The following SH3RF2 variants were observed in gnomAD, a reference collection of about 807,000 sequenced individuals.
The protein encoded by SH3RF2 is E3 ubiquitin-protein ligase SH3RF2.
Under a neutral mutation model 59.0 loss-of-function variants are expected in SH3RF2, and 43 were observed. The observed-to-expected ratio is 0.73, with a 90% CI of 0.57 to 0.94. The LOEUF (loss-of-function observed/expected upper bound fraction) is 0.94, where lower values mean the gene tolerates loss of function less well. Ranked by LOEUF, SH3RF2 falls within the 40% of genes least tolerant of loss-of-function variation. The pLI is 0.00. For missense variants in SH3RF2, 930 were observed against 940.1 expected (o/e 0.99, Z 0.14); for synonymous variants, 391 against 391.5 (o/e 1.00, Z 0.01).
intron 5 of SH3RF2, among the ~76,000 whole-genome samples, chr5:146,027,946 C>T (rs1456380014): frequency 6.6e-6 from 1 of 152,170 alleles, no homozygotes. Context: ...ATTAACATTG[C>T]TTACTTCCTT....
At chr5:146,023,825 C>T (rs1761423984) in intron 5 of SH3RF2, among the ~76,000 whole-genome samples, 1 of 152,144 alleles carries the variant, frequency 6.6e-6, no homozygotes, top group East Asian at 1.9e-4. Flanking sequence ...TTTGCCTATT[C>T]TGGATGTTTT....
chr5:145,998,044 C>A, intron 2 of SH3RF2: 1 of 606,086 alleles, frequency 1.6e-6, no homozygotes, highest in Non-Finnish European at 3.0e-6. Context: ...ACATAGAAAA[C>A]TACAAGATGT....
At chr5:146,071,473 G>C (rs1763239704) in intron 9 of SH3RF2, among the ~76,000 whole-genome samples, 1 of 152,186 alleles carries the variant, frequency 6.6e-6, no homozygotes, top group South Asian at 2.1e-4. Flanking sequence ...TAAATATTCT[G>C]TTCTGCACAT....
intron 7 of SH3RF2, among the ~76,000 whole-genome samples, chr5:146,053,822 C>A (rs1762580035): frequency 6.6e-6 from 1 of 152,192 alleles, no homozygotes; most frequent in Non-Finnish European, 1.5e-5. Context: ...CACTCATTTG[C>A]CTTTAACTCT....
chr5:146,047,587 C>T (rs1180145453), intron 5 of SH3RF2, among the ~76,000 whole-genome samples, 185 bp from the exon 6 acceptor site: 1 of 152,066 alleles, frequency 6.6e-6, no homozygotes, highest in Non-Finnish European at 1.5e-5. Flanking sequence ...AGGCCATAAA[C>T]CAGCTCCTCC....
At chr5:146,081,514 G>A (rs537893315) in exon 10 of SH3RF2, 1 of 152,170 alleles carries the variant, frequency 6.6e-6, no homozygotes, top group Non-Finnish European at 1.5e-5. Context: ...TTTACCGCGA[G>A]ACTGATCAGA....
At chr5:146,013,008 CACTG>C (rs369114236) in intron 4 of SH3RF2, among the ~76,000 whole-genome samples, 6 of 152,062 alleles carry the variant, frequency 3.9e-5, no homozygotes, top group South Asian at 2.1e-4. Context: ...ACCAATACAT[CACTG>C]ACTAAGAGAT....
intron 4 of SH3RF2, among the ~76,000 whole-genome samples, chr5:146,008,416 G>T (rs1760735530): frequency 6.6e-6 from 1 of 152,122 alleles, no homozygotes; most frequent in Non-Finnish European, 1.5e-5. Context: ...AGCCAAGAAT[G>T]GCTATATAAA....
chr5:145,938,567 G>T (rs530193157), intron 2 of SH3RF2, among the ~76,000 whole-genome samples: 1 of 152,158 alleles, frequency 6.6e-6, no homozygotes, highest in Non-Finnish European at 1.5e-5. Context: ...GTAGAACAAG[G>T]AAAGCCTTTT....
chr5:145,963,981 C>T (rs1389221930), intron 2 of SH3RF2, among the ~76,000 whole-genome samples: 9 of 151,792 alleles, frequency 5.9e-5, no homozygotes, highest in South Asian at 2.1e-4. Context: ...TACAGGCGCC[C>T]GCCACCGCGC....
intron 2 of SH3RF2, chr5:145,997,309 T>A: frequency 9.4e-7 from 1 of 1,063,080 alleles, no homozygotes; most frequent in Non-Finnish European, 1.5e-6. Flanking sequence ...AAGCAGCTAG[T>A]GAAACCAGAG....
intron 5 of SH3RF2, among the ~76,000 whole-genome samples, chr5:146,032,299 C>T (rs1335222886): frequency 6.6e-6 from 1 of 152,200 alleles, no homozygotes; most frequent in Admixed American, 6.5e-5. Flanking sequence ...ATGGTACCCT[C>T]TCCCAGTGGT....
chr5:146,023,357 C>T (rs573068953), intron 5 of SH3RF2, among the ~76,000 whole-genome samples: 36 of 152,226 alleles, frequency 2.4e-4, no homozygotes, highest in African/African-American at 7.9e-4. Flanking sequence ...TAAAGGCATG[C>T]ACCACCACAC....
intron 8 of SH3RF2, 120 bp downstream of exon 8, chr5:146,056,333 G>A: frequency 6.8e-7 from 1 of 1,461,538 alleles, no homozygotes; most frequent in African/African-American, 1.4e-5. Flanking sequence ...CCCCTGCAAA[G>A]GGTATTATAC....
chr5:146,063,893 T>C (rs140755266), downstream of SH3RF2, among the ~76,000 whole-genome samples: 2 of 152,148 alleles, frequency 1.3e-5, no homozygotes, highest in East Asian at 3.9e-4. Context: ...AAGCACAACA[T>C]GCTAAAAAAC....
At chr5:146,079,356 C>T (rs939938898) in exon 10 of SH3RF2, 1 of 152,152 alleles carries the variant, frequency 6.6e-6, no homozygotes, top group African/African-American at 2.4e-5. Context: ...AGAGACATTG[C>T]TCACATAAAT....
intron 1 of SH3RF2, chr5:145,937,220 T>C (rs1393894146): frequency 6.6e-6 from 1 of 151,984 alleles, no homozygotes; most frequent in African/African-American, 2.4e-5. Context: ...CCAAGCACCC[T>C]GACCTGTGGT....
chr5:146,058,961 C>T (rs1762778932), intron 8 of SH3RF2, among the ~76,000 whole-genome samples: 1 of 152,044 alleles, frequency 6.6e-6, no homozygotes, highest in Admixed American at 6.5e-5. Flanking sequence ...GATATGTGAT[C>T]CTTTACCCAA....
rs147051133 is a variant in SH3RF2, at chr5:145,948,422, G to A, written c.378+10116G>A. On this transcript the variant is annotated intron_variant, in intron 2 of 9. Coordinates refer to ENST00000359120, the MANE Select transcript of SH3RF2 (RefSeq NM_152550.4). The stretch of plus-strand genomic sequence containing the variant: ...GTCCTGGCCTCATGGCCCCAACACC[G>A]CTCGCTTTGGAAAATGTGCCTCTCA... 4.3e-3 allele frequency among the ~76,000 whole-genome samples: 650 copies of A among 152,246 alleles called. 5 individuals carry two copies. The highest frequency in any genetic ancestry group is 0.015 in the African/African-American group (631 of 41,530).
Sources: gnomAD v4.1 joint callset for allele counts (sites outside exome capture counted in the v4.1 genomes callset) on GRCh38, gnomAD v4.1.1 for gene constraint, MANE v1.5 for transcripts, NCBI Gene and HGNC (gene_info 2026-07-23, HGNC 2026-07-21) for gene names.